The following DNA2 variants were observed in gnomAD, a reference collection of about 807,000 sequenced individuals.
DNA2 encodes DNA replication ATP-dependent helicase/nuclease DNA2.
A neutral mutation model predicts 119.1 loss-of-function variants in DNA2; 101 were observed. The ratio of observed to expected loss-of-function variants is 0.85; its 90% CI spans 0.72 to 1.00. The LOEUF (loss-of-function observed/expected upper bound fraction) is 1.00, where lower values mean the gene tolerates loss of function less well. Among genes scored for constraint, DNA2 ranks in the 50% least tolerant of loss-of-function variants. The pLI, the probability that DNA2 is intolerant of heterozygous loss-of-function variation, is 0.00. For missense variants in DNA2, 1,121 were observed against 1,255.5 expected (o/e 0.89, Z 1.62); for synonymous variants, 366 against 424.4 (o/e 0.86, Z 1.69).
At chr10:68,458,711 G>A (rs1431537986) in intron 5 of DNA2, among the ~76,000 whole-genome samples, 1 of 151,820 alleles carries the variant, frequency 6.6e-6, no homozygotes, top group Non-Finnish European at 1.5e-5. Context: ...AGCCAGGTGT[G>A]GTGGCAGGCG....
rs1564877197 is a variant in DNA2 at position 68,422,222 on chromosome 10, T to A, written c.2697+3A>T. 1 of 1,543,332 alleles carries A rather than the reference T, an allele frequency of 6.5e-7. No homozygotes were observed. Among genetic ancestry groups the A allele is most frequent in the African/African-American group, 1.4e-5 (1 of 70,940 alleles). On this transcript the variant is annotated splice_donor_region_variant and intron_variant, in intron 17 of 20. Coordinates refer to ENST00000358410, the MANE Select transcript of DNA2 (RefSeq NM_001080449.3). ...AAAACTAAACAGAAATTTTTTTTTT[T>A]ACCTTGTCTGTATTAAGGAAACAAA...
chr10:68,471,956 TGCGCACCTCGC>T lies in DNA2; in HGVS notation c.-103_-93del. Reference sequence around the variant, plus strand: ...TAGAAAAGGGAAAAAGGCGCGAGCCTGCGCACCTCGCGCGCATGCGCCAACCCGCAGATGTC... The same window carrying T: ...TAGAAAAGGGAAAAAGGCGCGAGCCTGCGCATGCGCCAACCCGCAGATGTC... On this transcript the variant is annotated 5_prime_UTR_variant, in exon 1 of 21. An upstream open reading frame in the 5' UTR gains an earlier in-frame stop. Transcript: ENST00000358410. 1.9e-6 allele frequency: 3 copies of T among 1,612,626 alleles called. No individual in the cohort carries two copies. Among genetic ancestry groups the T allele is most frequent in the Non-Finnish European group, 2.5e-6 (3 of 1,178,966 alleles).
At chr10:68,470,354 T>C (rs1213524792) in intron 1 of DNA2, 191 bp from the exon 2 acceptor site, 1 of 531,346 alleles carries the variant, frequency 1.9e-6, no homozygotes, top group African/African-American at 1.9e-5. Context: ...TTATAAAAAC[T>C]TCCCAGAAGT....
chr10:68,446,123 C>CA (rs1298768575), intron 7 of DNA2, among the ~76,000 whole-genome samples, 173 bp downstream of exon 7: 1 of 151,358 alleles, frequency 6.6e-6, no homozygotes, highest in African/African-American at 2.4e-5. Context: ...GACTCTATCT[C>CA]AAAAAACGAA....
chr10:68,458,991 C>A, intron 5 of DNA2, 113 bp downstream of exon 5: 1 of 944,216 alleles, frequency 1.1e-6, no homozygotes, highest in Non-Finnish European at 1.5e-6. Context: ...AATAAGCAAG[C>A]AAAATGGCTA....
rs531670316 is a variant in DNA2, at chr10:68,439,531, G to A, written c.1416-2290C>T. On this transcript the variant is annotated intron_variant, in intron 9 of 20. Transcript: ENST00000358410. ...ATCCTGGCTAACACGGTGAAACCCC[G>A]TTTCTACTAAAAATACAAAAAAATA... is the stretch of plus-strand genomic sequence containing the variant. 1.3e-3 allele frequency among the ~76,000 whole-genome samples: 190 copies of A among 151,306 alleles called. 1 individual carries two copies. The highest frequency in any genetic ancestry group is 4.3e-3 in the African/African-American group (179 of 41,266).
At chr10:68,445,857 T>C (rs972669349) in intron 7 of DNA2, among the ~76,000 whole-genome samples, 2 of 152,192 alleles carry the variant, frequency 1.3e-5, no homozygotes, top group African/African-American at 2.4e-5. Flanking sequence ...CCAGGTACAG[T>C]GGCTCATGCC....
chr10:68,424,860 C>T, intron 14 of DNA2: 1 of 780,464 alleles, frequency 1.3e-6, no homozygotes, highest in Non-Finnish European at 2.3e-6. Context: ...GGGTACTCAC[C>T]CAAACAAGGT....
At chr10:68,430,972 T>A (rs1406366954) in intron 13 of DNA2, among the ~76,000 whole-genome samples, 1 of 152,084 alleles carries the variant, frequency 6.6e-6, no homozygotes, top group Non-Finnish European at 1.5e-5. Context: ...CATCTCTTTT[T>A]AAAAAATTCT....
chr10:68,432,602 C>A, intron 10 of DNA2, 92 bp from the exon 11 acceptor site: 1 of 754,176 alleles, frequency 1.3e-6, no homozygotes, highest in South Asian at 1.7e-5. Context: ...AATGAATGGG[C>A]CAGAATAGCT....
intron 19 of DNA2, among the ~76,000 whole-genome samples, chr10:68,417,412 A>AC (rs2051605878): frequency 3.4e-5 from 5 of 145,960 alleles, no homozygotes; most frequent in Admixed American, 2.1e-4. Flanking sequence ...AAAAAAAAAA[A>AC]CACTATTTGG....
chr10:68,435,558 C>T (rs899769765), intron 10 of DNA2, among the ~76,000 whole-genome samples: 3 of 152,050 alleles, frequency 2.0e-5, no homozygotes, highest in Non-Finnish European at 4.4e-5. Context: ...CGGGTTCAAG[C>T]GATTCCCCTG....
chr10:68,432,503 A>T lies in DNA2; in HGVS notation c.1654T>A (p.Ser552Thr). ...TVTCLLDRNL[S>T]VLPESTLFRL... ...AACAAAGTTGATTCTGGAAGGACCGACAAGTTTCTAAAACAACAAAACAAA... is the reference window on the plus strand; with the variant it reads ...AACAAAGTTGATTCTGGAAGGACCGTCAAGTTTCTAAAACAACAAAACAAA... Residue 552 changes from serine (S) to threonine (T), a missense_variant, in exon 11 of 21, where the codon TCG becomes ACG. Transcript: ENST00000358410. 6.5e-7 allele frequency: 1 copy of T among 1,540,656 alleles called. No homozygotes were observed. The highest frequency in any genetic ancestry group is 8.8e-7 in the Non-Finnish European group (1 of 1,136,780).
chr10:68,463,443 C>CAAAAA (rs35470662), intron 4 of DNA2, among the ~76,000 whole-genome samples: 5 of 59,444 alleles, frequency 8.4e-5, no homozygotes, highest in South Asian at 7.0e-4. Context: ...GACTCCATCT[C>CAAAAA]AAAAAAAAAA....
At chr10:68,429,680 C>T (rs1158990891) in intron 14 of DNA2, among the ~76,000 whole-genome samples, 1 of 119,742 alleles carries the variant, frequency 8.4e-6, no homozygotes, top group Non-Finnish European at 1.6e-5. Flanking sequence ...CCACTGCACT[C>T]CAGCCTGGGT....
At position 68,419,695 on chromosome 10, in the gene DNA2, C is replaced by T. The variant is rs777234835; in HGVS notation, c.2787+108G>A. 187 of 772,476 alleles carry T rather than the reference C, an allele frequency of 2.4e-4. 1 individual carries two copies. The highest frequency in any genetic ancestry group is 3.4e-4 in the Non-Finnish European group (156 of 457,244). 47.9% of individuals were successfully genotyped at this position (772,476 alleles called of 1,614,324 possible). ...TAAAAACAATGGGGCTTCAATCCCC[C>T]CCTTATCTTAATAAACGAGACTTAA... is the stretch of plus-strand genomic sequence containing the variant. On this transcript the variant is annotated intron_variant, in intron 18 of 20. Coordinates refer to ENST00000358410, the MANE Select transcript of DNA2 (RefSeq NM_001080449.3).
intron 4 of DNA2, among the ~76,000 whole-genome samples, chr10:68,463,906 A>G (rs2052293550): frequency 6.6e-6 from 1 of 152,182 alleles, no homozygotes; most frequent in Non-Finnish European, 1.5e-5. Flanking sequence ...TCCAACAGAG[A>G]AGACAAAATT....
Position 68,416,765 on chromosome 10 carries a change from G to T in DNA2, c.3058C>A (p.Leu1020Ile). 2 of 1,613,858 alleles carry T rather than the reference G, an allele frequency of 1.2e-6. No homozygotes were observed. Among genetic ancestry groups the T allele is most frequent in the East Asian group, 2.2e-5 (1 of 44,884 alleles). The change falls in exon 20 of 21, where the codon CTA becomes ATA. Residue 1020 changes from leucine (L) to isoleucine (I), a missense_variant. Leu to Ile is a conservative substitution (Grantham distance 5). Transcript: ENST00000358410. Reference protein sequence around the residue: ...KLILLGCVPSLNCYPPLEKLL... With the variant: ...KLILLGCVPSINCYPPLEKLL... ...TTCTCCAAAGGAGGATAGCAATTTA[G>T]TGAGGGCACACACCCCAGAAGAATC...
In DNA2 at chr10:68,418,489, A is replaced by C. The variant is rs1036971864; in HGVS notation, c.2967+545T>G. 9.9e-5 allele frequency among the ~76,000 whole-genome samples: 15 copies of C among 151,866 alleles called. No homozygotes were observed. In the South Asian group the frequency reaches 1.9e-3, roughly 19 times the overall value. On this transcript the variant is annotated intron_variant, in intron 19 of 20. Coordinates refer to ENST00000358410, the MANE Select transcript of DNA2 (RefSeq NM_001080449.3). The stretch of plus-strand genomic sequence containing the variant: ...AATTTTATTTTCTTTAAAAAAAAAA[A>C]AAACCAGAATACATCTGCAGAACGT...
Sources: allele counts gnomAD v4.1 joint callset (sites outside exome capture counted in the v4.1 genomes callset), GRCh38; gene constraint gnomAD v4.1.1; transcripts MANE v1.5; gene names NCBI Gene and HGNC (gene_info 2026-07-23, HGNC 2026-07-21).